Variants in FOXN4 observed in about 807,000 individuals in gnomAD.
The protein encoded by FOXN4 is forkhead box protein N4.
In FOXN4, 12 loss-of-function variants were observed where a neutral mutation model predicts 45.0. That is an observed-to-expected ratio of 0.27 (90% CI 0.17 to 0.43). FOXN4 has a LOEUF of 0.43. Ranked by LOEUF, FOXN4 falls within the 20% of genes least tolerant of loss-of-function variation. The probability of loss-of-function intolerance (pLI) is 1.00; values close to 1 mark genes in which losing one functional copy is unlikely to be tolerated. For missense variants in FOXN4, 560 were observed against 694.9 expected (o/e 0.81, Z 2.18); for synonymous variants, 297 against 295.0 (o/e 1.01, Z -0.07).
Position 109,291,001 on chromosome 12 carries a change from T to G in FOXN4, c.87-715A>C, listed in dbSNP as rs2047762238. Among the ~76,000 whole-genome samples the G allele has an allele frequency of 6.6e-6, 1 of 152,124 alleles. No homozygotes were observed. Among genetic ancestry groups the G allele is most frequent in the Admixed American group, 6.5e-5 (1 of 15,274 alleles). On this transcript the variant is annotated intron_variant, in intron 2 of 9. Transcript: ENST00000299162. The surrounding 1 kb of genome is among the most constrained non-coding windows in gnomAD (Gnocchi z 6.6). ...CTGAGGCTTGGAGCACCGAGTCACCTGCCCAAGGCGACACAGAACAGGAGG... is the reference window on the plus strand; with the variant it reads ...CTGAGGCTTGGAGCACCGAGTCACCGGCCCAAGGCGACACAGAACAGGAGG...
chr12:109,289,399 C>T (rs1419569728), intron 3 of FOXN4, among the ~76,000 whole-genome samples: 1 of 152,202 alleles, frequency 6.6e-6, no homozygotes, highest in Non-Finnish European at 1.5e-5. Context: ...TACTACCTGG[C>T]CCTTGACAGA....
rs764575314 is a variant in FOXN4 at position 109,279,809 on chromosome 12, G to A, written c.1416C>T (p.Ser472=). The A allele has an allele frequency of 4.3e-6, 7 of 1,611,736 alleles. No individual in the cohort carries two copies. The highest frequency in any genetic ancestry group is 2.2e-5 in the South Asian group (2 of 90,612). ...CCTGCAAGTCTGGGAAGGACTGGTC[G>A]CTGCCACCCGAGGCAGGGGTTAGGC... ...ASGLTPASGG[S]DQSFPDLQVT... is the part of the protein sequence containing the mutation. Residue 472 remains serine (S), a synonymous_variant, in exon 10 of 10, where the codon AGC becomes AGT. Coordinates refer to ENST00000299162, the MANE Select transcript of FOXN4 (RefSeq NM_213596.3).
chr12:109,287,926 G>T lies in FOXN4; in HGVS notation c.386C>A (p.Pro129His). The change falls in exon 5 of 10, where the codon CCC becomes CAC. Residue 129 changes from proline (P) to histidine (H), a missense_variant. Around this residue, in one of 5 missense-constraint regions of FOXN4, gnomAD observed 142 missense variants for 185.7 expected, o/e 0.76. Transcript: ENST00000299162. This position sits in a 1 kb window ranked among gnomAD's most constrained non-coding sequence, Gnocchi z 4.1. ...SMSQFPVGGQ[P>H]SSGLQDPPHL... is the part of the protein sequence containing the mutation. ...CGGCGGGTCCTGCAGGCCAGATGAG[G>T]GCTGGCCCCCCACGGGGAACTGGCT... The T allele has an allele frequency of 6.5e-7, 1 of 1,550,032 alleles. No individual in the cohort carries two copies. The highest frequency in any genetic ancestry group is 8.7e-7 in the Non-Finnish European group (1 of 1,146,890).
At chr12:109,305,824 C>G (rs932528665) in intron 2 of FOXN4, among the ~76,000 whole-genome samples, 11 of 152,148 alleles carry the variant, frequency 7.2e-5, no homozygotes, top group Admixed American at 6.5e-5. Context: ...AGACCAGGAG[C>G]CTGGGCACCT....
At chr12:109,302,869 GCTGTT>G (rs1454446523) in intron 2 of FOXN4, among the ~76,000 whole-genome samples, 1 of 152,214 alleles carries the variant, frequency 6.6e-6, no homozygotes, top group Non-Finnish European at 1.5e-5. Flanking sequence ...ATCACTGAAA[GCTGTT>G]CTTGTTCCCA....
Position 109,279,496 on chromosome 12 carries a change from G to A in FOXN4, c.*175C>T, listed in dbSNP as rs554316772. 13 of 939,806 alleles carry A rather than the reference G, an allele frequency of 1.4e-5. No homozygotes were observed. The highest frequency in any genetic ancestry group is 3.4e-4 in the Middle Eastern group (1 of 2,938). 58.2% of individuals were successfully genotyped at this position (939,806 alleles called of 1,614,324 possible). On this transcript the variant is annotated 3_prime_UTR_variant, in exon 10 of 10. Coordinates refer to ENST00000299162, the MANE Select transcript of FOXN4 (RefSeq NM_213596.3). The stretch of plus-strand genomic sequence containing the variant: ...CTCCGGAAGCTCCAGGGGGAGGCAC[G>A]AGAAGGAGAGGGGCTGCTGAGGGGA...
intron 1 of FOXN4, among the ~76,000 whole-genome samples, 194 bp from the exon 2 acceptor site, chr12:109,308,518 T>C (rs1226284574): frequency 1.3e-5 from 2 of 152,128 alleles, no homozygotes; most frequent in African/African-American, 4.8e-5. Flanking sequence ...TTCTACAGCG[T>C]TTTAGAAACA....
chr12:109,295,376 T>A (rs2047807601), intron 2 of FOXN4, among the ~76,000 whole-genome samples: 1 of 152,216 alleles, frequency 6.6e-6, no homozygotes, highest in Non-Finnish European at 1.5e-5. Flanking sequence ...GGTGTGTCAC[T>A]TCAGTTCCTG....
At chr12:109,305,729 CA>C (rs202089526) in intron 2 of FOXN4, among the ~76,000 whole-genome samples, 7 of 151,662 alleles carry the variant, frequency 4.6e-5, no homozygotes, top group Non-Finnish European at 7.4e-5. Flanking sequence ...CTCACACACA[CA>C]AAAAAAACAA....
At chr12:109,286,623 ACCC>A (rs1428135825) in intron 7 of FOXN4, 22 bp downstream of exon 7, 1 of 1,588,692 alleles carries the variant, frequency 6.3e-7, no homozygotes, top group Non-Finnish European at 8.6e-7. Context: ...CAGCTCCAGC[ACCC>A]CTACCCTAGC....
intron 2 of FOXN4, among the ~76,000 whole-genome samples, chr12:109,296,477 T>C (rs1286106247): frequency 6.6e-6 from 1 of 152,228 alleles, no homozygotes; most frequent in Non-Finnish European, 1.5e-5. Flanking sequence ...CCCCATTGGA[T>C]TCCCGATTTC....
chr12:109,285,270 T>A, intron 8 of FOXN4, 34 bp downstream of exon 8: 2 of 1,543,164 alleles, frequency 1.3e-6, no homozygotes, highest in Non-Finnish European at 1.8e-6. Context: ...TGTGTGTGTG[T>A]GTGTGCGCGC....
Position 109,288,115 on chromosome 12 carries a change from C to G in FOXN4, c.298G>C (p.Ala100Pro). The change falls in exon 4 of 10, where the codon GCA becomes CCA. Residue 100 changes from alanine to proline, a missense_variant. Coordinates refer to ENST00000299162, the MANE Select transcript of FOXN4 (RefSeq NM_213596.3). This position sits in a 1 kb window ranked among gnomAD's most constrained non-coding sequence, Gnocchi z 4.3. ...GGCATGCCTCGGGGGGCCATGCCTG[C>G]TGGGCCATGGAGAAGGGGACTTGGA... Reference protein sequence around the residue: ...ATPSPLLHGPAGMAPRGMPGL... With the variant: ...ATPSPLLHGPPGMAPRGMPGL... The G allele has an allele frequency of 6.5e-7, 1 of 1,546,100 alleles. No individual in the cohort carries two copies. The highest frequency in any genetic ancestry group is 8.7e-7 in the Non-Finnish European group (1 of 1,145,592).
chr12:109,291,326 G>A lies in FOXN4; in HGVS notation c.87-1040C>T, dbSNP rs536227615. Among the ~76,000 whole-genome samples the A allele has an allele frequency of 6.6e-6, 1 of 151,986 alleles. No individual in the cohort carries two copies. The highest frequency in any genetic ancestry group is 2.1e-4 in the South Asian group (1 of 4,798). ...CGTGATGGTGCAGACCAGCCCAGGA[G>A]CACACGCCCGACTCCACCACATCTG... On this transcript the variant is annotated intron_variant, in intron 2 of 9. Coordinates refer to ENST00000299162, the MANE Select transcript of FOXN4 (RefSeq NM_213596.3). The surrounding 1 kb of genome is among the most constrained non-coding windows in gnomAD (Gnocchi z 6.6).
rs1267227042 is a variant in FOXN4 at position 109,290,020 on chromosome 12, AAG to A, written c.232+119_232+120del. On this transcript the variant is annotated intron_variant, in intron 3 of 9. Coordinates refer to ENST00000299162, the MANE Select transcript of FOXN4 (RefSeq NM_213596.3). This position sits in a 1 kb window ranked among gnomAD's most constrained non-coding sequence, Gnocchi z 5.1. ...ATTTGTCCCATTTTACAGATGCAGA[AAG>A]AGAGGCCCAGAGAGACTGGGAGACC... 2.5e-6 allele frequency: 3 copies of A among 1,206,120 alleles called. No individual in the cohort carries two copies. Among genetic ancestry groups the A allele is most frequent in the Non-Finnish European group, 3.3e-6 (3 of 900,114 alleles). The allele number at this position is 1,206,120 out of a possible 1,614,324, so 74.7% of individuals were successfully genotyped here. A position where few individuals can be genotyped will look rare whatever the true frequency, so the allele number is the denominator to read the frequency against.
At position 109,281,591 on chromosome 12, in the gene FOXN4, A is replaced by G; in HGVS notation, c.1110T>C (p.His370=). 6.2e-7 allele frequency: 1 copy of G among 1,607,466 alleles called. No homozygotes were observed. Among genetic ancestry groups the G allele is most frequent in the African/African-American group, 1.3e-5 (1 of 74,914 alleles). Residue 370 remains histidine, a synonymous_variant, in exon 9 of 10, where the codon CAT becomes CAC. Transcript: ENST00000299162. ...PLHHQVQPQA[H]LAPDSPAPAQ... is the part of the protein sequence containing the mutation. Reference sequence around the variant, plus strand: ...CTGGTGCTGGAGAGTCTGGAGCAAGATGTGCCTGGGGCTGGACCTGGTGGT... The same window carrying G: ...CTGGTGCTGGAGAGTCTGGAGCAAGGTGTGCCTGGGGCTGGACCTGGTGGT...
intron 9 of FOXN4, among the ~76,000 whole-genome samples, chr12:109,281,030 C>T (rs1320194102): frequency 6.6e-6 from 1 of 152,160 alleles, no homozygotes; most frequent in Non-Finnish European, 1.5e-5. Context: ...TCCTCATTGG[C>T]AGAACAGGGA....
intron 2 of FOXN4, among the ~76,000 whole-genome samples, chr12:109,294,076 G>C (rs139483172): frequency 9.6e-4 from 146 of 152,292 alleles, no homozygotes; most frequent in African/African-American, 3.2e-3. Flanking sequence ...GAGATCAGAC[G>C]TCTTCCGGGG....
At position 109,291,195 on chromosome 12, in the gene FOXN4, A is replaced by G. The variant is rs1318406407; in HGVS notation, c.87-909T>C. Among the ~76,000 whole-genome samples the G allele has an allele frequency of 3.3e-5, 5 of 152,034 alleles. No individual in the cohort carries two copies. Among genetic ancestry groups the G allele is most frequent in the African/African-American group, 1.2e-4 (5 of 41,400 alleles). On this transcript the variant is annotated intron_variant, in intron 2 of 9. Coordinates refer to ENST00000299162, the MANE Select transcript of FOXN4 (RefSeq NM_213596.3). The surrounding 1 kb of genome is among the most constrained non-coding windows in gnomAD (Gnocchi z 6.6). ...GGATAGCTGCCCATGGAGGTGCCAG[A>G]CAGGTCGGTGATTTGGGATAGCCAT...
Sources: gnomAD v4.1 joint callset for allele counts (sites outside exome capture counted in the v4.1 genomes callset) on GRCh38, gnomAD v4.1.1 for gene constraint, gnomAD v4.1.1 regional missense constraint, Gnocchi (gnomAD v3.1) non-coding constraint, MANE v1.5 for transcripts, NCBI Gene and HGNC (gene_info 2026-07-23, HGNC 2026-07-21) for gene names.